Variants in CCDC170 observed in about 807,000 individuals in gnomAD.
The protein encoded by CCDC170 is coiled-coil domain containing 170.
A neutral mutation model predicts 72.6 loss-of-function variants in CCDC170; 69 were observed. The observed-to-expected ratio is 0.95, with a 90% confidence interval of 0.78 to 1.16. The LOEUF is 1.16. CCDC170 is among the 50% of genes most tolerant of loss of function. The pLI is 0.00. For synonymous variants in CCDC170, 300 were observed against 303.9 expected (o/e 0.99, Z 0.13); for missense variants, 852 against 832.5 (o/e 1.02, Z -0.29).
At chr6:151,602,128 G>C (rs958294284) in intron 9 of CCDC170, among the ~76,000 whole-genome samples, 2 of 152,118 alleles carry the variant, frequency 1.3e-5, no homozygotes, top group African/African-American at 4.8e-5. Context: ...TAAATCTTCT[G>C]TTTTAAGACC....
rs1166116831 is a variant in CCDC170, at chr6:151,546,485, T to G, written c.588+1769T>G. On this transcript the variant is annotated intron_variant, in intron 4 of 10. Transcript: ENST00000239374. The stretch of plus-strand genomic sequence containing the variant: ...TTTTCTGTATTTCTAATGCTTTGAC[T>G]TCCGGGGTCTTGCTGAGCCGGGAGA... Among the ~76,000 whole-genome samples the G allele has an allele frequency of 5.3e-5, 8 of 152,278 alleles. No individual in the cohort carries two copies. In the East Asian group the frequency reaches 1.5e-3, roughly 29 times the overall value.
chr6:151,606,139 T>C (rs1244482111), intron 9 of CCDC170, among the ~76,000 whole-genome samples: 2 of 152,212 alleles, frequency 1.3e-5, no homozygotes, highest in African/African-American at 4.8e-5. Context: ...TGACTTCAGG[T>C]GATCCACCCA....
intron 9 of CCDC170, among the ~76,000 whole-genome samples, chr6:151,614,805 C>T (rs1044937960): frequency 2.6e-5 from 4 of 152,100 alleles, no homozygotes; most frequent in African/African-American, 7.2e-5. Flanking sequence ...TAAGCTAATA[C>T]GGAGAATGTG....
intron 1 of CCDC170, among the ~76,000 whole-genome samples, chr6:151,507,584 C>CT (rs533877684): frequency 1.8e-3 from 268 of 152,196 alleles, no homozygotes; most frequent in Non-Finnish European, 3.4e-3. Context: ...TAAGGCAGCC[C>CT]TGTAGGGAGA....
chr6:151,524,823 T>C lies in CCDC170; in HGVS notation c.58-11495T>C, dbSNP rs574976973. ...TTGGTATGTACTTTTAAGACATAAA[T>C]GGTGTCATACTGTTAGTTTTGTTCT... On this transcript the variant is annotated intron_variant, in intron 1 of 10. Coordinates refer to ENST00000239374, the MANE Select transcript of CCDC170 (RefSeq NM_025059.4). 3.9e-5 allele frequency among the ~76,000 whole-genome samples: 6 copies of C among 152,268 alleles called. No homozygotes were observed. In the East Asian group the frequency reaches 1.2e-3, roughly 29 times the overall value.
rs367751927 is a variant in CCDC170, at chr6:151,596,326, T to C, written c.1468-9T>C. ...ATTAAAAAAAAAATCCCTGTTTGCA[T>C]CAAACCAGCTAAAGACACAGAAAGA... On this transcript the variant is annotated splice_polypyrimidine_tract_variant and intron_variant, in intron 8 of 10. Coordinates refer to ENST00000239374, the MANE Select transcript of CCDC170 (RefSeq NM_025059.4). 24 of 1,586,064 alleles carry C rather than the reference T, an allele frequency of 1.5e-5. No individual in the cohort carries two copies. The highest frequency in any genetic ancestry group is 2.0e-5 in the Non-Finnish European group (23 of 1,170,542).
Position 151,538,120 on chromosome 6 carries a change from A to G in CCDC170, c.262A>G (p.Lys88Glu). ...QELKAEMESY[K>E]ENNARKSSLL... The stretch of plus-strand genomic sequence containing the variant: ...ACTGAAAGCTGAAATGGAGAGCTAC[A>G]AGGAAAACAATGCCAGAAAATCATC... Residue 88 changes from lysine to glutamate, a missense_variant, in exon 3 of 11, where the codon AAG (lysine) becomes GAG (glutamate). Physicochemically the swap from Lys to Glu is moderately conservative, Grantham distance 56. Coordinates refer to ENST00000239374, the MANE Select transcript of CCDC170 (RefSeq NM_025059.4). The G allele has an allele frequency of 6.2e-7, 1 of 1,614,002 alleles. No individual in the cohort carries two copies. The highest frequency in any genetic ancestry group is 8.5e-7 in the Non-Finnish European group (1 of 1,179,928).
chr6:151,607,506 T>G (rs1392796506), intron 9 of CCDC170, among the ~76,000 whole-genome samples: 1 of 152,210 alleles, frequency 6.6e-6, no homozygotes, highest in Non-Finnish European at 1.5e-5. Context: ...GGTAAATATC[T>G]TTTTGCTTCT....
chr6:151,564,745 C>T (rs1057054665), intron 5 of CCDC170, among the ~76,000 whole-genome samples: 1 of 152,126 alleles, frequency 6.6e-6, no homozygotes, highest in African/African-American at 2.4e-5. Context: ...GTGGATGTGG[C>T]AGAGTAATCC....
chr6:151,581,972 G>A (rs139370944), intron 6 of CCDC170, among the ~76,000 whole-genome samples: 1 of 152,316 alleles, frequency 6.6e-6, no homozygotes, highest in East Asian at 1.9e-4. Context: ...CAGCTTTGCT[G>A]TTCCATTTCT....
chr6:151,620,981 A>T lies in CCDC170; in HGVS notation c.*2834A>T, dbSNP rs1777052391. 1 of 152,144 alleles carries T rather than the reference A, an allele frequency of 6.6e-6. No homozygotes were observed. The highest frequency in any genetic ancestry group is 6.6e-5 in the Admixed American group (1 of 15,254). The allele number at this position is 152,144 out of a possible 1,614,324, so 9.4% of individuals were successfully genotyped here. On this transcript the variant is annotated 3_prime_UTR_variant, in exon 11 of 11. Coordinates refer to ENST00000239374, the MANE Select transcript of CCDC170 (RefSeq NM_025059.4). ...CACTGTGTGACTCTAGTGATCTTTA[A>T]CATACACAGAATGATCTACAGTGAT...
At chr6:151,519,661 T>A (rs1583007076) in intron 1 of CCDC170, among the ~76,000 whole-genome samples, 1 of 152,192 alleles carries the variant, frequency 6.6e-6, no homozygotes, top group Non-Finnish European at 1.5e-5. Context: ...CTGCCATGGC[T>A]CCAGCCGGTC....
chr6:151,558,255 T>C (rs1253910329), intron 5 of CCDC170, among the ~76,000 whole-genome samples: 1 of 110,728 alleles, frequency 9.0e-6, no homozygotes, highest in Non-Finnish European at 2.1e-5. Context: ...TTTTTTTTTT[T>C]AATGTTGACT....
At chr6:151,576,597 G>A (rs911482708) in intron 6 of CCDC170, among the ~76,000 whole-genome samples, 2 of 152,092 alleles carry the variant, frequency 1.3e-5, no homozygotes, top group Admixed American at 1.3e-4. Flanking sequence ...AAATTAGAAT[G>A]ATTCAGAGTC....
chr6:151,549,196 C>T (rs1250329081), intron 5 of CCDC170, among the ~76,000 whole-genome samples: 1 of 152,042 alleles, frequency 6.6e-6, no homozygotes, highest in Non-Finnish European at 1.5e-5. Flanking sequence ...TGAGCCACCA[C>T]GGCCGGTCTA....
chr6:151,574,212 T>TA (rs969187473), intron 6 of CCDC170, among the ~76,000 whole-genome samples: 14 of 152,140 alleles, frequency 9.2e-5, no homozygotes, highest in Non-Finnish European at 1.9e-4. Context: ...ATCCTGTCTC[T>TA]AAAAAAAGTA....
chr6:151,610,550 C>T (rs1007103002), intron 9 of CCDC170, among the ~76,000 whole-genome samples: 1 of 152,166 alleles, frequency 6.6e-6, no homozygotes, highest in Non-Finnish European at 1.5e-5. Context: ...AATATTTTCC[C>T]ACGTATCACT....
intron 1 of CCDC170, among the ~76,000 whole-genome samples, chr6:151,505,688 A>C (rs909022028): frequency 2.6e-5 from 4 of 152,202 alleles, no homozygotes; most frequent in African/African-American, 7.2e-5. Context: ...CGTCTCAAAA[A>C]AAAAAAGCAA....
At chr6:151,519,837 G>A (rs185409242) in intron 1 of CCDC170, among the ~76,000 whole-genome samples, 129 of 152,348 alleles carry the variant, frequency 8.5e-4, no homozygotes, top group African/African-American at 3.1e-3. Context: ...AGTGGTAGGA[G>A]TGTCTTTTAG....
Sources: allele counts gnomAD v4.1 joint callset (sites outside exome capture counted in the v4.1 genomes callset), GRCh38; gene constraint gnomAD v4.1.1; transcripts MANE v1.5; gene names NCBI Gene and HGNC (gene_info 2026-07-23, HGNC 2026-07-21).